The following NRXN3 variants were observed in gnomAD, a reference collection of about 807,000 sequenced individuals.
NRXN3 encodes the protein neurexin 3.
In NRXN3, 32 loss-of-function variants were observed where a neutral mutation model predicts 137.6. The ratio of observed to expected loss-of-function variants is 0.23; its 90% confidence interval spans 0.18 to 0.31. NRXN3 has a LOEUF of 0.31. NRXN3 is among the 10% of genes least tolerant of loss of function. NRXN3 has a pLI of 1.00. For synonymous variants in NRXN3, 798 were observed against 784.5 expected (o/e 1.02, Z -0.29); for missense variants, 1,574 against 2,062.5 (o/e 0.76, Z 4.59).
chr14:79,209,275 C>T lies in NRXN3; in HGVS notation c.3262+221134C>T, dbSNP rs568240840. On this transcript the variant is annotated intron_variant, in intron 15 of 20. Transcript: ENST00000335750. ...AAAGTAATGAATTGCTAGTTAGCAACCTCTGAGTTTTTTAAGGTGTTGTCT... is the reference window on the plus strand; with the variant it reads ...AAAGTAATGAATTGCTAGTTAGCAATCTCTGAGTTTTTTAAGGTGTTGTCT... Among the ~76,000 whole-genome samples, 145 of 151,854 alleles carry T rather than the reference C, an allele frequency of 9.5e-4. 4 individuals are homozygous for T. In the South Asian group the frequency reaches 0.029, roughly 30 times the overall value.
chr14:79,824,691 C>T (rs1425542250), intron 20 of NRXN3, among the ~76,000 whole-genome samples: 6 of 152,116 alleles, frequency 3.9e-5, no homozygotes, highest in Non-Finnish European at 5.9e-5. Flanking sequence ...TAGTGATTTC[C>T]TCACGTATAT....
chr14:79,343,550 T>C (rs2092718861), intron 15 of NRXN3, among the ~76,000 whole-genome samples: 1 of 152,008 alleles, frequency 6.6e-6, no homozygotes. Flanking sequence ...TTTCTTTCTC[T>C]TTATTTCCTG....
chr14:78,225,058 A>G (rs372143137), intron 1 of NRXN3, among the ~76,000 whole-genome samples: 355 of 140,120 alleles, frequency 2.5e-3, no homozygotes, highest in Middle Eastern at 3.9e-3. Flanking sequence ...GAGCCACCGC[A>G]CCCGGCCGCA....
chr14:79,257,134 G>T (rs1309657818), intron 15 of NRXN3, among the ~76,000 whole-genome samples: 1 of 152,118 alleles, frequency 6.6e-6, no homozygotes, highest in Non-Finnish European at 1.5e-5. Flanking sequence ...CAGCAAATAA[G>T]AGTGTATTGC....
chr14:78,710,396 AGGGGTTTTTGAATGCCTGGACAGTCT>A (rs2098396838), intron 7 of NRXN3, among the ~76,000 whole-genome samples: 1 of 151,942 alleles, frequency 6.6e-6, no homozygotes. Context: ...CAAAATAGTC[AGGGGTTTTTGAATGCCTGGACAGTCT>A]GCCTAGCTTT....
intron 20 of NRXN3, among the ~76,000 whole-genome samples, chr14:79,843,817 C>T (rs1248114482): frequency 3.9e-5 from 6 of 152,016 alleles, no homozygotes; most frequent in Non-Finnish European, 4.4e-5. Context: ...TGGATAAGTT[C>T]TGTAGTGGTG....
chr14:78,358,121 A>T (rs759562152), intron 4 of NRXN3, among the ~76,000 whole-genome samples: 3 of 152,176 alleles, frequency 2.0e-5, no homozygotes, highest in African/African-American at 4.8e-5. Flanking sequence ...CCCATTGCTT[A>T]AGCTCTTTGA....
intron 16 of NRXN3, 82 bp from the exon 17 acceptor site, chr14:79,663,696 A>T (rs1299961763): frequency 1.6e-6 from 2 of 1,230,250 alleles, no homozygotes. Flanking sequence ...CTACAGGTTT[A>T]TTGCTGGTTG....
At chr14:78,294,576 A>G (rs9323661) in intron 3 of NRXN3, among the ~76,000 whole-genome samples, 44,457 of 146,174 alleles carry the variant, frequency 0.3, 7,237 homozygotes, top group East Asian at 0.66. Context: ...AAAAAAAAAA[A>G]AAAGAAAAAG....
intron 16 of NRXN3, among the ~76,000 whole-genome samples, chr14:79,514,351 G>A (rs892887548): frequency 1.3e-5 from 2 of 152,048 alleles, no homozygotes; most frequent in Middle Eastern, 3.4e-3. Context: ...ATAGAATTTC[G>A]CTGTCCTCTC....
intron 4 of NRXN3, among the ~76,000 whole-genome samples, chr14:78,463,855 C>A (rs1235577840): frequency 6.6e-6 from 1 of 150,926 alleles, no homozygotes; most frequent in Non-Finnish European, 1.5e-5. Flanking sequence ...CACTGGCCTC[C>A]TCCAGCCAGC....
At chr14:79,099,366 G>A (rs567551515) in intron 15 of NRXN3, among the ~76,000 whole-genome samples, 1 of 152,138 alleles carries the variant, frequency 6.6e-6, no homozygotes, top group African/African-American at 2.4e-5. Context: ...TGTAGGCAGA[G>A]GGGTGTAGGG....
chr14:78,640,531 G>A (rs565044445), intron 4 of NRXN3, among the ~76,000 whole-genome samples: 1 of 152,192 alleles, frequency 6.6e-6, no homozygotes, highest in East Asian at 1.9e-4. Flanking sequence ...AATCTGCTTT[G>A]GAATTTCTCA....
intron 4 of NRXN3, among the ~76,000 whole-genome samples, chr14:78,528,919 C>G (rs1371957161): frequency 6.6e-6 from 1 of 152,058 alleles, no homozygotes. Context: ...AGGCACTTCC[C>G]TCACCCTATT....
chr14:79,654,683 T>G (rs754367598), intron 16 of NRXN3, among the ~76,000 whole-genome samples: 1 of 152,218 alleles, frequency 6.6e-6, no homozygotes, highest in Non-Finnish European at 1.5e-5. Flanking sequence ...AACCGTATTA[T>G]CTGATGACCC....
At chr14:79,471,644 A>T (rs1158316090) in intron 16 of NRXN3, among the ~76,000 whole-genome samples, 2 of 152,084 alleles carry the variant, frequency 1.3e-5, no homozygotes, top group African/African-American at 4.8e-5. Context: ...TTAAGTTTTG[A>T]TAGGAGAGTT....
At chr14:78,383,048 A>G (rs143411176) in intron 4 of NRXN3, among the ~76,000 whole-genome samples, 2 of 152,302 alleles carry the variant, frequency 1.3e-5, no homozygotes, top group African/African-American at 2.4e-5. Context: ...ATTGAAAGGT[A>G]ATGAGAATGA....
intron 2 of NRXN3, among the ~76,000 whole-genome samples, chr14:78,254,829 TTTTTC>T (rs2069265472): frequency 1.3e-5 from 2 of 152,144 alleles, no homozygotes; most frequent in Admixed American, 6.5e-5. Context: ...AGTAGTATTT[TTTTTC>T]TTTTCTTTTC....
At chr14:79,320,612 A>G (rs891066293) in intron 15 of NRXN3, among the ~76,000 whole-genome samples, 1 of 152,188 alleles carries the variant, frequency 6.6e-6, no homozygotes, top group Non-Finnish European at 1.5e-5. Context: ...TTTAAAGTGC[A>G]CTGTATATTG....
Sources: allele counts gnomAD v4.1 joint callset (sites outside exome capture counted in the v4.1 genomes callset), GRCh38; gene constraint gnomAD v4.1.1; transcripts MANE v1.5; gene names NCBI Gene and HGNC (gene_info 2026-07-23, HGNC 2026-07-21).